The following DNMT3A variants were observed in gnomAD, a reference collection of about 807,000 sequenced individuals.
The protein encoded by DNMT3A is DNA methyltransferase 3 alpha.
In DNMT3A, 267 loss-of-function variants were observed where a neutral mutation model predicts 117.6. The observed-to-expected ratio is 2.27, with a 90% CI of 2.05 to 2.51. The LOEUF (loss-of-function observed/expected upper bound fraction) is 2.51. Ranked by LOEUF, DNMT3A falls within the 30% of genes most tolerant of loss-of-function variation. DNMT3A has a pLI of 0.00. For missense variants in DNMT3A, 1,029 were observed against 1,260.2 expected (o/e 0.82, Z 2.78); for synonymous variants, 432 against 474.8 (o/e 0.91, Z 1.17).
In DNMT3A at chr2:25,247,519, C is replaced by T. The variant is rs1039993043; in HGVS notation, c.1014+72G>A. Reference sequence around the variant, plus strand: ...CATCACCCCAATTCCAGACTGCCCCCAGCCAAAACCACAGGCCCTGGGATC... The same window carrying T: ...CATCACCCCAATTCCAGACTGCCCCTAGCCAAAACCACAGGCCCTGGGATC... On this transcript the variant is annotated intron_variant, in intron 8 of 22. Transcript: ENST00000321117. The surrounding 1 kb of genome is among the most constrained non-coding windows in gnomAD (Gnocchi z 5.6). 6.3e-7 allele frequency: 1 copy of T among 1,575,190 alleles called. No individual in the cohort carries two copies. The highest frequency in any genetic ancestry group is 8.6e-7 in the Non-Finnish European group (1 of 1,158,616).
At chr2:25,246,123 C>G in intron 11 of DNMT3A, 37 bp downstream of exon 11, 1 of 1,614,162 alleles carries the variant, frequency 6.2e-7, no homozygotes, top group Non-Finnish European at 8.5e-7. Flanking sequence ...GGATGCAGGC[C>G]TCCTGGTGCC....
Position 25,244,141 on chromosome 2 carries a change from G to A in DNMT3A, c.1851+14C>T, listed in dbSNP as rs1674423273. On this transcript the variant is annotated intron_variant, in intron 15 of 22. Transcript: ENST00000321117. ...CAAGGGAGCTCGAGACCGCGCCCCA[G>A]GCCCAGCACTCACAAATTCCTGGTC... 1 of 1,613,950 alleles carries A rather than the reference G, an allele frequency of 6.2e-7. No homozygotes were observed. The highest frequency in any genetic ancestry group is 1.7e-5 in the Admixed American group (1 of 60,030).
At chr2:25,318,788 C>G (rs1305041644) in intron 1 of DNMT3A, among the ~76,000 whole-genome samples, 13 of 148,448 alleles carry the variant, frequency 8.8e-5, no homozygotes, top group South Asian at 2.1e-4. Flanking sequence ...AGCTCTGCCT[C>G]AGGGGTTCAT....
In DNMT3A at chr2:25,252,069, G is replaced by T; in HGVS notation, c.640-3817C>A. 1.6e-6 allele frequency: 2 copies of T among 1,286,036 alleles called. No individual in the cohort carries two copies. Among genetic ancestry groups the T allele is most frequent in the Non-Finnish European group, 1.1e-6 (1 of 945,636 alleles). The allele number at this position is 1,286,036 out of a possible 1,614,324, so 79.7% of individuals were successfully genotyped here. On this transcript the variant is annotated intron_variant, in intron 6 of 22. Transcript: ENST00000321117. This position sits in a 1 kb window ranked among gnomAD's most constrained non-coding sequence, Gnocchi z 5.5. Reference sequence around the variant, plus strand: ...AGAACTCGGGCCAGGCCGGGACGCCGCGGCTGCTGCGGGCCGGGGAGGCAT... The same window carrying T: ...AGAACTCGGGCCAGGCCGGGACGCCTCGGCTGCTGCGGGCCGGGGAGGCAT...
rs1558722477 is a variant in DNMT3A, at chr2:25,300,707, A to AT, written c.73-465_73-464insA. Among the ~76,000 whole-genome samples the AT allele has an allele frequency of 1.2e-3, 69 of 57,860 alleles. 2 individuals are homozygous for AT. Among genetic ancestry groups the AT allele is most frequent in the African/African-American group, 4.4e-3 (64 of 14,498 alleles). 38.0% of individuals were successfully genotyped at this position (57,860 alleles called of 152,430 possible). A position where few individuals can be genotyped will look rare whatever the true frequency, so the allele number is the denominator to read the frequency against. Reference sequence around the variant, plus strand: ...TAGATATATATTTATATATCTAAATAATATAATATATATATATATATATAT... The same window carrying AT: ...TAGATATATATTTATATATCTAAATATATATAATATATATATATATATATAT... On this transcript the variant is annotated intron_variant, in intron 2 of 22. Transcript: ENST00000321117.
Position 25,247,405 on chromosome 2 carries a change from T to G in DNMT3A, c.1014+186A>C, listed in dbSNP as rs1388578869. On this transcript the variant is annotated intron_variant, in intron 8 of 22. Transcript: ENST00000321117. This position sits in a 1 kb window ranked among gnomAD's most constrained non-coding sequence, Gnocchi z 5.6. Reference sequence around the variant, plus strand: ...GAAGGCTAAAACTGGGCCAGCATCCTAGCTCTCTGAGCCACAGGTGCAACC... The same window carrying G: ...GAAGGCTAAAACTGGGCCAGCATCCGAGCTCTCTGAGCCACAGGTGCAACC... 2.0e-6 allele frequency: 2 copies of G among 990,410 alleles called. No individual in the cohort carries two copies. The highest frequency in any genetic ancestry group is 3.3e-5 in the African/African-American group (2 of 61,092). 61.4% of individuals were successfully genotyped at this position (990,410 alleles called of 1,614,324 possible).
In DNMT3A at chr2:25,241,674, A is replaced by C; in HGVS notation, c.1970T>G (p.Val657Gly). The C allele has an allele frequency of 6.2e-7, 1 of 1,614,040 alleles. No homozygotes were observed. The highest frequency in any genetic ancestry group is 8.5e-7 in the Non-Finnish European group (1 of 1,179,974). ...CACCTCCGAGGCAATGTAGCGGTCC[A>C]CCTGAATGCCCAAGTCCTTCAGCAC... The part of the protein sequence containing the change: ...LLVLKDLGIQ[V>G]DRYIASEVCE... The change falls in exon 17 of 23, where the codon GTG (valine) becomes GGG (glycine). Residue 657 changes from valine (V) to glycine (G), a missense_variant. Transcript: ENST00000321117.
chr2:25,292,052 C>T (rs1281548540), intron 3 of DNMT3A, among the ~76,000 whole-genome samples: 2 of 151,950 alleles, frequency 1.3e-5, no homozygotes, highest in African/African-American at 4.8e-5. Flanking sequence ...GTTGGGAGTT[C>T]GAGACCAGCC....
At chr2:25,331,560 G>A (rs367569497) in intron 1 of DNMT3A, among the ~76,000 whole-genome samples, 11 of 152,332 alleles carry the variant, frequency 7.2e-5, no homozygotes, top group Middle Eastern at 3.4e-3. Flanking sequence ...CAGGTCCTGG[G>A]TGGAGGGCCA....
At position 25,298,845 on chromosome 2, in the gene DNMT3A, CT is replaced by C. The variant is rs1043984294; in HGVS notation, c.177+1293del. ...AGTAAAATGACTTCACTCCGCCCCCCTGCCCCCCGCCTCAAATCTTCAGGCA... is the reference window on the plus strand; with the variant it reads ...AGTAAAATGACTTCACTCCGCCCCCCGCCCCCCGCCTCAAATCTTCAGGCA... On this transcript the variant is annotated intron_variant, in intron 3 of 22. Transcript: ENST00000321117. This position sits in a 1 kb window ranked among gnomAD's most constrained non-coding sequence, Gnocchi z 4.3. Among the ~76,000 whole-genome samples the C allele has an allele frequency of 6.6e-6, 1 of 152,136 alleles. No homozygotes were observed. The highest frequency in any genetic ancestry group is 6.5e-5 in the Admixed American group (1 of 15,284).
chr2:25,308,361 G>GA (rs2033894411), intron 2 of DNMT3A, among the ~76,000 whole-genome samples: 1 of 152,142 alleles, frequency 6.6e-6, no homozygotes, highest in Non-Finnish European at 1.5e-5. Context: ...ACAGAGTCCA[G>GA]CTTCAACACA....
chr2:25,287,743 C>G (rs938826429), intron 3 of DNMT3A, among the ~76,000 whole-genome samples: 1 of 148,304 alleles, frequency 6.7e-6, no homozygotes, highest in Admixed American at 6.7e-5. Flanking sequence ...CCGCCCCCAA[C>G]AGAGATTTAG....
chr2:25,276,674 T>A (rs1270773529), intron 4 of DNMT3A, among the ~76,000 whole-genome samples: 1 of 152,162 alleles, frequency 6.6e-6, no homozygotes, highest in Non-Finnish European at 1.5e-5. Flanking sequence ...CTGCCTCCCA[T>A]AGCTTCTTGC....
intron 20 of DNMT3A, among the ~76,000 whole-genome samples, chr2:25,238,257 T>G (rs562952059): frequency 3.3e-5 from 5 of 152,138 alleles, no homozygotes; most frequent in Non-Finnish European, 7.4e-5. Context: ...CCCCATCTCC[T>G]TCCCCTCAAC....
Position 25,327,837 on chromosome 2 carries a change from C to T in DNMT3A, c.-177-13676G>A, listed in dbSNP as rs2034843405. On this transcript the variant is annotated intron_variant, in intron 1 of 22. Transcript: ENST00000321117. This position sits in a 1 kb window ranked among gnomAD's most constrained non-coding sequence, Gnocchi z 4.1. ...TTTCCCTCTATGTGGAAGTAACATT[C>T]CCCTCCCTTCAGCTGCCTAAGTCCC... Among the ~76,000 whole-genome samples the T allele has an allele frequency of 6.6e-6, 1 of 152,154 alleles. No individual in the cohort carries two copies. Among genetic ancestry groups the T allele is most frequent in the Admixed American group, 6.5e-5 (1 of 15,286 alleles).
intron 6 of DNMT3A, among the ~76,000 whole-genome samples, chr2:25,259,756 G>A (rs1676449254): frequency 6.6e-6 from 1 of 152,222 alleles, no homozygotes; most frequent in Non-Finnish European, 1.5e-5. Context: ...GGGGTCAAAG[G>A]GAGGGGCCTA....
intron 6 of DNMT3A, among the ~76,000 whole-genome samples, chr2:25,248,552 T>C (rs1198848993): frequency 7.1e-6 from 1 of 141,810 alleles, no homozygotes; most frequent in Non-Finnish European, 1.6e-5. Flanking sequence ...ATGTTATTTA[T>C]TTATTTTTTT....
chr2:25,291,830 G>A (rs933396122), intron 3 of DNMT3A, among the ~76,000 whole-genome samples: 9 of 152,280 alleles, frequency 5.9e-5, no homozygotes, highest in African/African-American at 1.4e-4. Context: ...ATGACCATGC[G>A]TGGTGAGTGG....
At chr2:25,283,455 C>T (rs967667998) in intron 3 of DNMT3A, among the ~76,000 whole-genome samples, 3 of 151,482 alleles carry the variant, frequency 2.0e-5, no homozygotes, top group African/African-American at 7.3e-5. Context: ...CAGATCAAGT[C>T]TGGGACTCAG....
Sources: allele counts gnomAD v4.1 joint callset (sites outside exome capture counted in the v4.1 genomes callset), GRCh38; gene constraint gnomAD v4.1.1; non-coding constraint Gnocchi (gnomAD v3.1); transcripts MANE v1.5; gene names NCBI Gene and HGNC (gene_info 2026-07-23, HGNC 2026-07-21).